The following LAMA2 variants were observed in gnomAD, a reference collection of about 807,000 sequenced individuals.
LAMA2 encodes laminin subunit alpha-2.
Under a neutral mutation model 364.8 loss-of-function variants are expected in LAMA2, and 269 were observed. That is an observed-to-expected ratio of 0.74 (90% CI 0.67 to 0.82). The LOEUF (loss-of-function observed/expected upper bound fraction) is 0.82. LAMA2 is among the 40% of genes least tolerant of loss of function. The pLI, the probability that LAMA2 is intolerant of heterozygous loss-of-function variation, is 0.00. For missense variants in LAMA2, 3,807 were observed against 3,873.2 expected (o/e 0.98, Z 0.45); for synonymous variants, 1,379 against 1,370.6 (o/e 1.01, Z -0.14).
intron 33 of LAMA2, 66 bp downstream of exon 33, chr6:129,366,427 G>A (rs1777783083): frequency 1.9e-6 from 3 of 1,556,468 alleles, no homozygotes; most frequent in East Asian, 4.5e-5. Flanking sequence ...AGCGGTATTG[G>A]CTGTAATTGG....
chr6:129,067,091 T>A, intron 3 of LAMA2, among the ~76,000 whole-genome samples: 1 of 152,160 alleles, frequency 6.6e-6, no homozygotes, highest in East Asian at 1.9e-4. Flanking sequence ...CTGAAACACA[T>A]CTGGATAACC....
chr6:128,904,836 C>G (rs1777320372), intron 1 of LAMA2, among the ~76,000 whole-genome samples: 1 of 152,020 alleles, frequency 6.6e-6, no homozygotes. Flanking sequence ...ATCTGAAGGC[C>G]AGAATATAAT....
chr6:129,335,270 A>G (rs1775885196), intron 29 of LAMA2, among the ~76,000 whole-genome samples: 1 of 152,156 alleles, frequency 6.6e-6, no homozygotes. Context: ...TTTGAAGACT[A>G]AAACCTATGT....
chr6:128,997,332 G>A (rs555439684), intron 1 of LAMA2, among the ~76,000 whole-genome samples: 131 of 111,114 alleles, frequency 1.2e-3, no homozygotes, highest in African/African-American at 4.4e-3. Context: ...GAGAGAGAAA[G>A]AAAGAGAAAG....
chr6:128,967,033 C>T (rs1000385268), intron 1 of LAMA2, among the ~76,000 whole-genome samples: 1 of 144,866 alleles, frequency 6.9e-6, no homozygotes, highest in African/African-American at 2.5e-5. Context: ...AAACTTTACG[C>T]AAATTGTTAG....
At chr6:129,340,067 C>A (rs1242051436) in intron 29 of LAMA2, among the ~76,000 whole-genome samples, 2 of 151,640 alleles carry the variant, frequency 1.3e-5, no homozygotes, top group Non-Finnish European at 2.9e-5. Flanking sequence ...CCAGAAATAT[C>A]TATCAATGGC....
At chr6:129,260,958 G>A in intron 15 of LAMA2, 136 bp downstream of exon 15, 1 of 666,302 alleles carries the variant, frequency 1.5e-6, no homozygotes, top group Non-Finnish European at 2.8e-6. Context: ...AACAAAACTT[G>A]AATATCTACC....
chr6:129,317,976 T>C (rs1339359131), intron 27 of LAMA2, among the ~76,000 whole-genome samples: 2 of 152,090 alleles, frequency 1.3e-5, no homozygotes, highest in Admixed American at 6.5e-5. Context: ...GATCTTTTGG[T>C]TTAAGTGACC....
At chr6:128,885,562 C>T (rs1342883961) in intron 1 of LAMA2, among the ~76,000 whole-genome samples, 1 of 152,080 alleles carries the variant, frequency 6.6e-6, no homozygotes, top group African/African-American at 2.4e-5. Context: ...GTGAAAATCA[C>T]GGGATATGAG....
At chr6:129,484,441 T>G (rs1335889529) in intron 55 of LAMA2, among the ~76,000 whole-genome samples, 3 of 152,214 alleles carry the variant, frequency 2.0e-5, no homozygotes, top group East Asian at 3.9e-4. Context: ...CCCAGATTTT[T>G]GCACATGGGC....
chr6:129,345,208 A>C (rs1776477691), intron 30 of LAMA2, among the ~76,000 whole-genome samples: 1 of 151,996 alleles, frequency 6.6e-6, no homozygotes, highest in African/African-American at 2.4e-5. Flanking sequence ...CAAGGGGAGG[A>C]ATAGTTGGTT....
intron 22 of LAMA2, among the ~76,000 whole-genome samples, chr6:129,311,281 C>G (rs2114489885): frequency 6.6e-6 from 1 of 152,152 alleles, no homozygotes. Flanking sequence ...GCCACCACGC[C>G]CGGCTAATTT....
At chr6:129,105,554 G>A (rs943715474) in intron 4 of LAMA2, among the ~76,000 whole-genome samples, 12 of 152,188 alleles carry the variant, frequency 7.9e-5, no homozygotes, top group South Asian at 2.1e-4. Flanking sequence ...TTAATGTTCA[G>A]CTATTTCCAG....
chr6:129,392,299 T>G (rs1779365851), intron 36 of LAMA2, among the ~76,000 whole-genome samples: 1 of 152,212 alleles, frequency 6.6e-6, no homozygotes, highest in Non-Finnish European at 1.5e-5. Flanking sequence ...TTACTAATAC[T>G]TAAATAATTT....
intron 7 of LAMA2, among the ~76,000 whole-genome samples, chr6:129,153,085 C>G (rs1317879292): frequency 6.6e-6 from 1 of 152,160 alleles, no homozygotes; most frequent in Non-Finnish European, 1.5e-5. Flanking sequence ...CTGGTTCTAT[C>G]CTAATATAAA....
At position 129,401,468 on chromosome 6, in the gene LAMA2, C is replaced by T. The variant is rs150748182; in HGVS notation, c.5562+128C>T. On this transcript the variant is annotated intron_variant, in intron 38 of 64. Transcript: ENST00000421865. The stretch of plus-strand genomic sequence containing the variant: ...GAGATAAAATTATTTTTGCATTATT[C>T]TACTGTGACCATGCCTATCTATTGG... 3.2e-3 allele frequency: 2,268 copies of T among 718,958 alleles called. 6 individuals carry two copies. The highest frequency in any genetic ancestry group is 5.0e-3 in the Non-Finnish European group (2,014 of 399,936). 44.5% of individuals were successfully genotyped at this position (718,958 alleles called of 1,614,324 possible).
chr6:129,094,347 T>C (rs1775040460), intron 3 of LAMA2, among the ~76,000 whole-genome samples: 1 of 152,216 alleles, frequency 6.6e-6, no homozygotes, highest in Non-Finnish European at 1.5e-5. Context: ...AAGAGGGATA[T>C]TGTTTTGAAA....
intron 1 of LAMA2, among the ~76,000 whole-genome samples, chr6:129,015,802 A>T (rs1174675673): frequency 6.6e-6 from 1 of 152,074 alleles, no homozygotes; most frequent in Non-Finnish European, 1.5e-5. Context: ...AAATGCGTGC[A>T]TTTAAAATCA....
chr6:129,013,145 T>A (rs2114698927), intron 1 of LAMA2, among the ~76,000 whole-genome samples: 1 of 152,322 alleles, frequency 6.6e-6, no homozygotes, highest in Middle Eastern at 3.4e-3. Flanking sequence ...TATTTAAAAA[T>A]TTTGAATAGG....
Sources: allele counts gnomAD v4.1 joint callset (sites outside exome capture counted in the v4.1 genomes callset), GRCh38; gene constraint gnomAD v4.1.1; transcripts MANE v1.5; gene names NCBI Gene and HGNC (gene_info 2026-07-23, HGNC 2026-07-21).